The following WDR26 variants were observed in gnomAD, a reference collection of about 807,000 sequenced individuals.
The protein encoded by WDR26 is WD repeat domain 26.
Under a neutral mutation model 84.1 loss-of-function variants are expected in WDR26, and 5 were observed. The observed-to-expected ratio is 0.06, with a 90% CI of 0.03 to 0.13. The LOEUF (loss-of-function observed/expected upper bound fraction) is 0.13, where lower values mean the gene tolerates loss of function less well. WDR26 is among the 10% of genes least tolerant of loss of function. The pLI, the probability that WDR26 is intolerant of heterozygous loss-of-function variation, is 1.00. For missense variants in WDR26, 642 were observed against 974.9 expected (o/e 0.66, Z 4.55); for synonymous variants, 415 against 389.6 (o/e 1.07, Z -0.77).
At chr1:224,427,797 A>G (rs1164800492) in intron 3 of WDR26, among the ~76,000 whole-genome samples, 2 of 152,226 alleles carry the variant, frequency 1.3e-5, no homozygotes, top group Non-Finnish European at 2.9e-5. Flanking sequence ...TTAAAGCACA[A>G]AAATGTAAAT....
At position 224,415,453 on chromosome 1, in the gene WDR26, C is replaced by CTTTTTTTTTTTT. The variant is rs149995544; in HGVS notation, c.1319+2795_1319+2806dup. ...ACAATTCTGGAACACGTATTTCTTTCTTTTTTTTTTTTTTTTTTTTTTTTT... is the reference window on the plus strand; with the variant it reads ...ACAATTCTGGAACACGTATTTCTTTCTTTTTTTTTTTTTTTTTTTTTTTTTTTTTTTTTTTTT... On this transcript the variant is annotated intron_variant, in intron 6 of 13. Transcript: ENST00000414423. Among the ~76,000 whole-genome samples the CTTTTTTTTTTTT allele has an allele frequency of 1.7e-3, 137 of 82,324 alleles. 13 individuals are homozygous for CTTTTTTTTTTTT. Among genetic ancestry groups the CTTTTTTTTTTTT allele is most frequent in the African/African-American group, 6.4e-3 (132 of 20,566 alleles). The allele number at this position is 82,324 out of a possible 152,430, so 54.0% of individuals were successfully genotyped here. A position where few individuals can be genotyped will look rare whatever the true frequency, so the allele number is the denominator to read the frequency against.
intron 8 of WDR26, among the ~76,000 whole-genome samples, chr1:224,401,690 G>GAAAAAAAAAAAAAAAAAAA (rs67543360): frequency 1.2e-5 from 1 of 84,046 alleles, no homozygotes; most frequent in Admixed American, 1.4e-4. Flanking sequence ...AAAAAAAAAA[G>GAAAAAAAAAAAAAAAAAAA]AAAAAAAAAA....
At chr1:224,404,766 T>C (rs956130938) in intron 7 of WDR26, among the ~76,000 whole-genome samples, 196 bp from the exon 8 acceptor site, 2 of 152,204 alleles carry the variant, frequency 1.3e-5, no homozygotes, top group Admixed American at 6.5e-5. Context: ...TACTACACTA[T>C]TAGGCATCTA....
chr1:224,414,996 G>T (rs1342424366), intron 6 of WDR26, among the ~76,000 whole-genome samples: 1 of 152,152 alleles, frequency 6.6e-6, no homozygotes, highest in African/African-American at 2.4e-5. Context: ...TACAGGGCAA[G>T]ATCATGTGTT....
At chr1:224,425,923 T>C (rs374044422) in intron 3 of WDR26, among the ~76,000 whole-genome samples, 41 of 152,284 alleles carry the variant, frequency 2.7e-4, no homozygotes, top group East Asian at 1.7e-3. Flanking sequence ...AGTGGCGTGA[T>C]CTTGGCTTAC....
intron 1 of WDR26, 85 bp downstream of exon 1, chr1:224,433,599 C>CG: frequency 8.0e-6 from 6 of 745,934 alleles, no homozygotes; most frequent in African/African-American, 1.7e-5. Flanking sequence ...TCAAGCCCCC[C>CG]TCCCCCCTCC....
chr1:224,431,329 T>C lies in WDR26; in HGVS notation c.927+148A>G, dbSNP rs191795190. The C allele has an allele frequency of 3.6e-3, 2,318 of 642,776 alleles. 9 individuals are homozygous for C. The highest frequency in any genetic ancestry group is 4.7e-3 in the Non-Finnish European group (1,748 of 373,114). The allele number at this position is 642,776 out of a possible 1,614,324, so 39.8% of individuals were successfully genotyped here. A position where few individuals can be genotyped will look rare whatever the true frequency, so the allele number is the denominator to read the frequency against. ...TTTTAAAGAAATAAAACTCATACTT[T>C]AAAACATTATACTCATCCTAGTTTA... On this transcript the variant is annotated intron_variant, in intron 3 of 13. Transcript: ENST00000414423.
intron 12 of WDR26, among the ~76,000 whole-genome samples, chr1:224,394,597 C>T (rs1191312684): frequency 2.0e-5 from 3 of 151,820 alleles, no homozygotes; most frequent in Non-Finnish European, 4.4e-5. Flanking sequence ...CTCCACCTCC[C>T]GGGTTCAAGC....
At chr1:224,424,375 T>C (rs1272539517) in intron 4 of WDR26, 143 bp downstream of exon 4, 3 of 1,105,182 alleles carry the variant, frequency 2.7e-6, no homozygotes, top group African/African-American at 3.2e-5. Flanking sequence ...ATGACCAAAA[T>C]AGTTGATCCA....
chr1:224,422,311 C>A (rs1310037465), intron 4 of WDR26, among the ~76,000 whole-genome samples: 1 of 152,164 alleles, frequency 6.6e-6, no homozygotes, highest in Admixed American at 6.5e-5. Context: ...TGGCCTTGCA[C>A]AGAGATTTTG....
At chr1:224,398,069 T>A in intron 12 of WDR26, 28 bp downstream of exon 12, 1 of 1,607,424 alleles carries the variant, frequency 6.2e-7, no homozygotes, top group Non-Finnish European at 8.5e-7. Flanking sequence ...AATATCAACA[T>A]ATGTAAACTG....
At chr1:224,395,901 T>C (rs1243674405) in intron 12 of WDR26, among the ~76,000 whole-genome samples, 1 of 152,246 alleles carries the variant, frequency 6.6e-6, no homozygotes. Flanking sequence ...TTTTTCTACA[T>C]ATTGCCAGCA....
chr1:224,406,284 G>A (rs528610466), intron 7 of WDR26, among the ~76,000 whole-genome samples: 178 of 152,304 alleles, frequency 1.2e-3, no homozygotes, highest in Middle Eastern at 3.4e-3. Context: ...AGGGGATAGG[G>A]ATGGATGTTT....
intron 6 of WDR26, among the ~76,000 whole-genome samples, chr1:224,416,004 T>C (rs1486711405): frequency 6.6e-6 from 1 of 152,036 alleles, no homozygotes; most frequent in African/African-American, 2.4e-5. Flanking sequence ...TAAAGAAATA[T>C]GAAGAGTGAA....
At chr1:224,433,277 A>G (rs2102928742) in intron 1 of WDR26, among the ~76,000 whole-genome samples, 1 of 152,188 alleles carries the variant, frequency 6.6e-6, no homozygotes, top group South Asian at 2.1e-4. Context: ...TTGAAAAACA[A>G]ATCCTCCAAG....
At chr1:224,394,421 G>A (rs377387158) in intron 12 of WDR26, among the ~76,000 whole-genome samples, 1 of 152,018 alleles carries the variant, frequency 6.6e-6, no homozygotes, top group Non-Finnish European at 1.5e-5. Flanking sequence ...TTTATTGGGT[G>A]CTTACAAAGT....
intron 6 of WDR26, among the ~76,000 whole-genome samples, chr1:224,416,923 G>A (rs1021737140): frequency 3.3e-5 from 5 of 152,054 alleles, no homozygotes; most frequent in African/African-American, 9.7e-5. Flanking sequence ...TCAGAAGCAG[G>A]TCAATGAACA....
chr1:224,402,232 A>G (rs1169736092), intron 8 of WDR26: 1 of 152,190 alleles, frequency 6.6e-6, no homozygotes, highest in Non-Finnish European at 1.5e-5. Context: ...CTTACACTGG[A>G]AAAAAAGTGT....
At chr1:224,424,745 T>A in intron 3 of WDR26, 91 bp from the exon 4 acceptor site, 1 of 1,525,412 alleles carries the variant, frequency 6.6e-7, no homozygotes, top group Non-Finnish European at 9.0e-7. Context: ...GAAACCATTC[T>A]ACTATGCCCT....
Sources: gnomAD v4.1 joint callset for allele counts (sites outside exome capture counted in the v4.1 genomes callset) on GRCh38, gnomAD v4.1.1 for gene constraint, MANE v1.5 for transcripts, NCBI Gene and HGNC (gene_info 2026-07-23, HGNC 2026-07-21) for gene names.